Variants in RASIP1 observed in about 807,000 individuals in gnomAD.
RASIP1 encodes ras-interacting protein 1.
RASIP1 carries 20 observed loss-of-function variants against 85.3 expected under a neutral mutation model. The observed-to-expected ratio is 0.23, with a 90% CI of 0.17 to 0.34. The LOEUF (loss-of-function observed/expected upper bound fraction) is 0.34. Ranked by LOEUF, RASIP1 falls within the 10% of genes least tolerant of loss-of-function variation. The probability of loss-of-function intolerance (pLI) is 1.00; values close to 1 mark genes in which losing one functional copy is unlikely to be tolerated. For synonymous variants in RASIP1, 617 were observed against 647.1 expected, an observed-to-expected ratio of 0.95 and a Z score of 0.71; for missense variants, 1,170 against 1,390.9, an observed-to-expected ratio of 0.84 and a Z score of 2.53.
intron 4 of RASIP1, 81 bp from the exon 5 acceptor site, chr19:48,729,671 C>A: frequency 9.3e-5 from 97 of 1,038,022 alleles, no homozygotes; most frequent in Non-Finnish European, 1.2e-4. Flanking sequence ...TCTACAACAA[C>A]TTTTCTATTC....
chr19:48,731,406 C>A (rs999380848), intron 4 of RASIP1, among the ~76,000 whole-genome samples: 1 of 152,090 alleles, frequency 6.6e-6, no homozygotes, highest in Non-Finnish European at 1.5e-5. Flanking sequence ...CATCAATGGA[C>A]GTTCTCAATA....
chr19:48,724,847 G>A lies in RASIP1; in HGVS notation c.2241C>T (p.Thr747=), dbSNP rs749903629. The A allele has an allele frequency of 2.5e-6, 4 of 1,614,234 alleles. No individual in the cohort carries two copies. The highest frequency in any genetic ancestry group is 2.5e-6 in the Non-Finnish European group (3 of 1,180,044). Residue 747 remains threonine (T), a synonymous_variant, in exon 9 of 12, where the codon ACC becomes ACT. Transcript: ENST00000222145. This position sits in a 1 kb window ranked among gnomAD's most constrained non-coding sequence, Gnocchi z 4.6. ...CCAAGGCTGCCTGGAACACGCCCAG[G>A]GTAGGTCTCAATCCTGGAGGCATGG... ...LGAMPPGLRP[T]LGVFQAALEL... is the part of the protein sequence containing the mutation.
chr19:48,734,727 T>C (rs969621819), intron 4 of RASIP1, among the ~76,000 whole-genome samples: 1 of 152,110 alleles, frequency 6.6e-6, no homozygotes, highest in Non-Finnish European at 1.5e-5. Context: ...CCTCAGGTGA[T>C]CCACCCACCA....
intron 11 of RASIP1, among the ~76,000 whole-genome samples, chr19:48,721,610 G>C (rs934163336): frequency 2.0e-5 from 3 of 152,178 alleles, no homozygotes; most frequent in African/African-American, 4.8e-5. Context: ...AGACCAGCCT[G>C]GCCAACACGG....
At position 48,720,916 on chromosome 19, in the gene RASIP1, A is replaced by C; in HGVS notation, c.2774T>G (p.Val925Gly). 6.2e-7 allele frequency: 1 copy of C among 1,613,860 alleles called. No individual in the cohort carries two copies. Among genetic ancestry groups the C allele is most frequent in the African/African-American group, 1.3e-5 (1 of 75,076 alleles). ...GSSRLRLTGP[V>G]TDDALHRELR... ...TTCACGGTGCAAGGCATCGTCCGTC[A>C]CTGGACCAGTGAGGCGCAGGCGCGA... is the stretch of plus-strand genomic sequence containing the variant. Residue 925 changes from valine to glycine, a missense_variant, in exon 12 of 12, where the codon GTG (valine) becomes GGG (glycine). Val to Gly is a moderately radical substitution (Grantham distance 109). Transcript: ENST00000222145.
At chr19:48,730,144 G>C (rs1174810518) in intron 4 of RASIP1, among the ~76,000 whole-genome samples, 2 of 151,284 alleles carry the variant, frequency 1.3e-5, no homozygotes, top group Admixed American at 1.3e-4. Context: ...CACCCATCCC[G>C]AAGACCGGCT....
In RASIP1 at chr19:48,727,054, A is replaced by G. The variant is rs1354111072; in HGVS notation, c.1976T>C (p.Phe659Ser). The stretch of plus-strand genomic sequence containing the variant: ...CATTTCCAGCACCTTCTCCTGCACA[A>G]AGCTAAGCAGCTCCGTGGTGTTGGC... The part of the protein sequence containing the change: ...WMANTTELLS[F>S]VQEKVLEMEK... The change falls in exon 7 of 12, where the codon TTT becomes TCT. Residue 659 changes from phenylalanine to serine, a missense_variant. Coordinates refer to ENST00000222145, the MANE Select transcript of RASIP1 (RefSeq NM_017805.3). The G allele has an allele frequency of 6.2e-7, 1 of 1,614,166 alleles. No individual in the cohort carries two copies. The highest frequency in any genetic ancestry group is 1.7e-5 in the Admixed American group (1 of 60,016).
In RASIP1 at chr19:48,739,201, G is replaced by A; in HGVS notation, c.582C>T (p.Gly194=). 1 of 1,478,570 alleles carries A rather than the reference G, an allele frequency of 6.8e-7. No homozygotes were observed. The highest frequency in any genetic ancestry group is 8.9e-7 in the Non-Finnish European group (1 of 1,121,888). 91.6% of individuals were successfully genotyped at this position (1,478,570 alleles called of 1,614,324 possible). Residue 194 remains glycine, a synonymous_variant, in exon 3 of 12, where the codon GGC becomes GGT. Coordinates refer to ENST00000222145, the MANE Select transcript of RASIP1 (RefSeq NM_017805.3). This position sits in a 1 kb window ranked among gnomAD's most constrained non-coding sequence, Gnocchi z 9.2. Reference sequence around the variant, plus strand: ...CGAAGGCGTCCACGCAGCTGCTCTCGCCGGGGCCACCGCCGGGGCTGCCTG... The same window carrying A: ...CGAAGGCGTCCACGCAGCTGCTCTCACCGGGGCCACCGCCGGGGCTGCCTG... ...GLAGSPGGGP[G]ESSCVDAFAL...
At chr19:48,734,348 C>T (rs1268712436) in intron 4 of RASIP1, among the ~76,000 whole-genome samples, 2 of 151,900 alleles carry the variant, frequency 1.3e-5, no homozygotes, top group African/African-American at 4.8e-5. Context: ...CTTTGTGTGT[C>T]ACCCAGGCTG....
Position 48,728,924 on chromosome 19 carries a change from G to T in RASIP1, c.1833+13C>A, listed in dbSNP as rs750793910. On this transcript the variant is annotated intron_variant, in intron 5 of 11. Coordinates refer to ENST00000222145, the MANE Select transcript of RASIP1 (RefSeq NM_017805.3). ...GCGCTGGTGGGGCTGGACGGCGATTGGGGGGCGCTCACCCAGACGGCCTCC... is the reference window on the plus strand; with the variant it reads ...GCGCTGGTGGGGCTGGACGGCGATTTGGGGGCGCTCACCCAGACGGCCTCC... The T allele has an allele frequency of 1.4e-6, 2 of 1,435,774 alleles. No individual in the cohort carries two copies. The highest frequency in any genetic ancestry group is 1.8e-6 in the Non-Finnish European group (2 of 1,104,886). The allele number at this position is 1,435,774 out of a possible 1,614,324, so 88.9% of individuals were successfully genotyped here.
chr19:48,730,007 G>A (rs1355031396), intron 4 of RASIP1, among the ~76,000 whole-genome samples: 1 of 151,588 alleles, frequency 6.6e-6, no homozygotes, highest in Non-Finnish European at 1.5e-5. Flanking sequence ...GAACTATCGC[G>A]CCCGGCCCCC....
At position 48,727,563 on chromosome 19, in the gene RASIP1, A is replaced by G. The variant is rs570990304; in HGVS notation, c.1834-133T>C. On this transcript the variant is annotated intron_variant, in intron 5 of 11. Transcript: ENST00000222145. ...CTTTTCTTAGAGATGGGGTCTTACT[A>G]TGTTGCCACCGGTGGTCTCCAACTC... The G allele has an allele frequency of 6.4e-6, 6 of 934,434 alleles. No individual in the cohort carries two copies. The African/African-American group carries it at 1.0e-4, about 16-fold the overall frequency. The allele number at this position is 934,434 out of a possible 1,614,324, so 57.9% of individuals were successfully genotyped here.
At chr19:48,721,055 CG>C in intron 11 of RASIP1, 58 bp from the exon 12 acceptor site, 2 of 1,401,618 alleles carry the variant, frequency 1.4e-6, no homozygotes, top group South Asian at 2.7e-5. Context: ...GTAGTTGCAT[CG>C]GGAAGAGCCG....
At chr19:48,737,594 G>A (rs947713702) in intron 3 of RASIP1, 2 of 985,166 alleles carry the variant, frequency 2.0e-6, no homozygotes, top group Non-Finnish European at 2.4e-6. Flanking sequence ...GCCCATCTTA[G>A]TCCCAGCAGG....
At chr19:48,737,066 A>G (rs1217748479) in intron 3 of RASIP1, among the ~76,000 whole-genome samples, 1 of 152,174 alleles carries the variant, frequency 6.6e-6, no homozygotes, top group African/African-American at 2.4e-5. Context: ...ACAAAAAAAC[A>G]AAAAGGAAAA....
chr19:48,726,911 G>C lies in RASIP1; in HGVS notation c.2024-23C>G, dbSNP rs370849033. ...GGTCTGAGGACAGGCTTGGGGTTAA[G>C]AGGGAGAACCAGAAGTCGGCAGCCA... On this transcript the variant is annotated intron_variant, in intron 7 of 11. Transcript: ENST00000222145. 84 of 1,611,062 alleles carry C rather than the reference G, an allele frequency of 5.2e-5. No individual in the cohort carries two copies. In the African/African-American group the frequency reaches 1.1e-3, roughly 20 times the overall value.
rs2033634851 is a variant in RASIP1 at position 48,739,673 on chromosome 19, C to T, written c.138-28G>A. 7.7e-7 allele frequency: 1 copy of T among 1,294,606 alleles called. No individual in the cohort carries two copies. Among genetic ancestry groups the T allele is most frequent in the Non-Finnish European group, 9.9e-7 (1 of 1,013,836 alleles). The allele number at this position is 1,294,606 out of a possible 1,614,324, so 80.2% of individuals were successfully genotyped here. ...GGGAGTCCGCCGGGGAACAGAGTCG[C>T]GGGAGAGAGACCCAGGACGACACGC... On this transcript the variant is annotated intron_variant, in intron 2 of 11. Coordinates refer to ENST00000222145, the MANE Select transcript of RASIP1 (RefSeq NM_017805.3). The surrounding 1 kb of genome is among the most constrained non-coding windows in gnomAD (Gnocchi z 9.2).
intron 4 of RASIP1, 99 bp from the exon 5 acceptor site, chr19:48,729,689 CT>C (rs1025396867): frequency 1.3e-4 from 120 of 905,292 alleles, no homozygotes; most frequent in Middle Eastern, 2.3e-4. Flanking sequence ...TTCCCACCAA[CT>C]TTTTTTTTCC....
chr19:48,733,200 C>T (rs1048846123), intron 4 of RASIP1, among the ~76,000 whole-genome samples: 2 of 152,198 alleles, frequency 1.3e-5, no homozygotes, highest in African/African-American at 4.8e-5. Context: ...AATTTCTTGT[C>T]CTTTTTTGTA....
Sources: allele counts gnomAD v4.1 joint callset (sites outside exome capture counted in the v4.1 genomes callset), GRCh38; gene constraint gnomAD v4.1.1; non-coding constraint Gnocchi (gnomAD v3.1); transcripts MANE v1.5; gene names NCBI Gene and HGNC (gene_info 2026-07-23, HGNC 2026-07-21).